The following CCDC3 variants were observed in gnomAD, a reference collection of about 807,000 sequenced individuals.
CCDC3 encodes the protein coiled-coil domain containing 3, also known as coiled-coil domain-containing protein 3.
Under a neutral mutation model 21.4 loss-of-function variants are expected in CCDC3, and 24 were observed. The ratio of observed to expected loss-of-function variants is 1.12; its 90% CI spans 0.81 to 1.58. The LOEUF (loss-of-function observed/expected upper bound fraction) is 1.58, where lower values mean the gene tolerates loss of function less well. CCDC3 is among the 40% of genes most tolerant of loss of function. The pLI, the probability that CCDC3 is intolerant of heterozygous loss-of-function variation, is 0.00. For missense variants in CCDC3, 425 were observed against 360.9 expected, an observed-to-expected ratio of 1.18 and a Z score of -1.44; for synonymous variants, 186 against 166.0, an observed-to-expected ratio of 1.12 and a Z score of -0.93.
chr10:13,055,539 G>T (rs1024413470), intron 4 of CCDC3, among the ~76,000 whole-genome samples: 1 of 151,938 alleles, frequency 6.6e-6, no homozygotes, highest in Non-Finnish European at 1.5e-5. Context: ...TGCCTAGGCT[G>T]GTCTCAAATT....
chr10:12,951,760 G>C (rs1835011730), intron 2 of CCDC3, among the ~76,000 whole-genome samples: 1 of 113,628 alleles, frequency 8.8e-6, no homozygotes, highest in South Asian at 3.1e-4. Context: ...AGCTGAGACT[G>C]AGCCACAATA....
intron 2 of CCDC3, among the ~76,000 whole-genome samples, chr10:12,958,714 G>A (rs1463286045): frequency 6.6e-6 from 1 of 152,156 alleles, no homozygotes; most frequent in African/African-American, 2.4e-5. Flanking sequence ...GAGACCATGA[G>A]GCCACTGAAG....
chr10:13,095,994 T>C (rs902347711), intron 3 of CCDC3, among the ~76,000 whole-genome samples: 2 of 152,330 alleles, frequency 1.3e-5, no homozygotes, highest in South Asian at 2.1e-4. Flanking sequence ...GGACATTTAA[T>C]GTATATGGAG....
chr10:12,957,049 A>G (rs1254704500), intron 2 of CCDC3, among the ~76,000 whole-genome samples: 3 of 152,130 alleles, frequency 2.0e-5, no homozygotes, highest in African/African-American at 7.2e-5. Flanking sequence ...TTTTTCAAAG[A>G]CCTAAAAACT....
intron 3 of CCDC3, among the ~76,000 whole-genome samples, chr10:13,090,851 G>A (rs1447762536): frequency 3.9e-5 from 6 of 152,210 alleles, no homozygotes; most frequent in Admixed American, 3.9e-4. Context: ...CCCATGACAG[G>A]CTGTCTGGAA....
chr10:12,951,466 C>T (rs1175754902), intron 2 of CCDC3, among the ~76,000 whole-genome samples: 1 of 152,140 alleles, frequency 6.6e-6, no homozygotes, highest in Admixed American at 6.6e-5. Flanking sequence ...GGGTCTCTAC[C>T]AGCATCTGTA....
rs1011985205 is a variant in CCDC3, at chr10:12,997,339, G to T, written c.549+999C>A. Among the ~76,000 whole-genome samples the T allele has an allele frequency of 2.6e-5, 4 of 152,094 alleles. No individual in the cohort carries two copies. In the East Asian group the frequency reaches 7.7e-4, roughly 29 times the overall value. ...TGCCCTAAAAATGTCTTCAATCGGG[G>T]ACCGGAAGAGATGGGTCACAGCCCC... On this transcript the variant is annotated intron_variant, in intron 2 of 2. Transcript: ENST00000378825.
chr10:13,093,387 A>G (rs1832599300), intron 3 of CCDC3, among the ~76,000 whole-genome samples: 1 of 152,144 alleles, frequency 6.6e-6, no homozygotes, highest in Admixed American at 6.6e-5. Flanking sequence ...ATTATCTCCC[A>G]CCAGGTCCCT....
At chr10:13,020,367 C>T (rs764509821) in intron 5 of CCDC3, among the ~76,000 whole-genome samples, 5 of 152,298 alleles carry the variant, frequency 3.3e-5, no homozygotes, top group South Asian at 4.1e-4. Context: ...ACAGTTAGCG[C>T]GGTTTAGCAA....
At chr10:12,992,447 A>G (rs118010157) in intron 2 of CCDC3, among the ~76,000 whole-genome samples, 2,108 of 152,314 alleles carry the variant, frequency 0.014, 36 homozygotes, top group South Asian at 0.062. Flanking sequence ...AATGTATTTT[A>G]TATATGTCAT....
chr10:13,000,319 T>A lies in CCDC3; in HGVS notation c.374+878A>T, dbSNP rs1474544911. Among the ~76,000 whole-genome samples the A allele has an allele frequency of 3.3e-5, 5 of 152,294 alleles. No homozygotes were observed. The East Asian group carries it at 9.7e-4, about 29-fold the overall frequency. On this transcript the variant is annotated intron_variant, in intron 1 of 2. Coordinates refer to ENST00000378825, the MANE Select transcript of CCDC3 (RefSeq NM_031455.4). Reference sequence around the variant, plus strand: ...AAGAATTTAGAGTTCTACCTGGCACTCTCTATTCAAATTTCAGAAGAATTC... The same window carrying A: ...AAGAATTTAGAGTTCTACCTGGCACACTCTATTCAAATTTCAGAAGAATTC...
intron 2 of CCDC3, among the ~76,000 whole-genome samples, chr10:12,943,731 G>GC (rs1404057078): frequency 1.3e-5 from 2 of 152,124 alleles, no homozygotes; most frequent in African/African-American, 4.8e-5. Flanking sequence ...ATCAGACACC[G>GC]CCTCCCCAAG....
intron 4 of CCDC3, among the ~76,000 whole-genome samples, chr10:13,066,733 C>T (rs577408476): frequency 1.3e-5 from 2 of 152,134 alleles, no homozygotes; most frequent in African/African-American, 4.8e-5. Context: ...CCTGCCCACA[C>T]GTGCACTGGG....
intron 2 of CCDC3, among the ~76,000 whole-genome samples, chr10:12,964,316 G>A (rs1835226756): frequency 6.6e-6 from 1 of 151,618 alleles, no homozygotes; most frequent in Non-Finnish European, 1.5e-5. Context: ...AGGTTGCAGT[G>A]AGCTGAGATT....
rs771479089 is a variant in CCDC3 at position 12,898,596 on chromosome 10, C to T, written c.633G>A (p.Glu211=). 1.0e-4 allele frequency: 165 copies of T among 1,614,112 alleles called. No homozygotes were observed. The highest frequency in any genetic ancestry group is 4.9e-4 in the Middle Eastern group (3 of 6,084). The part of the protein sequence containing the change: ...KKLQQKVATL[E]KRNRQLRERV... The stretch of plus-strand genomic sequence containing the variant: ...GCTCCCGGAGCTGCCGGTTGCGCTT[C>T]TCCAGGGTGGCCACTTTCTGCTGCA... Residue 211 remains glutamate, a synonymous_variant, in exon 3 of 3, where the codon GAG becomes GAA. Transcript: ENST00000378825.
chr10:13,017,522 A>G (rs1269031577), intron 5 of CCDC3, among the ~76,000 whole-genome samples: 2 of 150,670 alleles, frequency 1.3e-5, no homozygotes, highest in Non-Finnish European at 3.0e-5. Context: ...ATCTCAAAAA[A>G]AAAAAAAAAG....
chr10:13,088,457 T>C (rs1005275495), intron 3 of CCDC3, among the ~76,000 whole-genome samples: 6 of 152,170 alleles, frequency 3.9e-5, no homozygotes, highest in African/African-American at 1.4e-4. Flanking sequence ...AGAGTCAATA[T>C]CATCAAACTA....
At chr10:13,077,297 T>C (rs1255064632) in intron 3 of CCDC3, among the ~76,000 whole-genome samples, 1 of 152,128 alleles carries the variant, frequency 6.6e-6, no homozygotes, top group Non-Finnish European at 1.5e-5. Context: ...GAATCCAACT[T>C]ACAAGGGACG....
chr10:13,093,048 A>G (rs1414681989), intron 3 of CCDC3, among the ~76,000 whole-genome samples: 1 of 138,290 alleles, frequency 7.2e-6, no homozygotes, highest in Non-Finnish European at 1.6e-5. Context: ...TTTTTTTTTC[A>G]AAAACAAAGG....
Sources: gnomAD v4.1 joint callset for allele counts (sites outside exome capture counted in the v4.1 genomes callset) on GRCh38, gnomAD v4.1.1 for gene constraint, MANE v1.5 for transcripts, NCBI Gene and HGNC (gene_info 2026-07-23, HGNC 2026-07-21) for gene names.